ROBO1: variants seen among roughly 807,000 people sequenced by gnomAD.
The protein encoded by ROBO1 is roundabout guidance receptor 1.
ROBO1 carries 149 observed loss-of-function variants against 195.9 expected under a neutral mutation model. The ratio of observed to expected loss-of-function variants is 0.76; its 90% CI spans 0.67 to 0.87. ROBO1 has a LOEUF of 0.87. ROBO1 is among the 40% of genes least tolerant of loss of function. The probability of loss-of-function intolerance (pLI) is 0.00; values close to 1 mark genes in which losing one functional copy is unlikely to be tolerated. For missense variants in ROBO1, 1,933 were observed against 2,068.3 expected (o/e 0.93, Z 1.27); for synonymous variants, 816 against 733.2 (o/e 1.11, Z -1.82).
At chr3:79,638,510 C>A (rs1945562280) in intron 1 of ROBO1, among the ~76,000 whole-genome samples, 1 of 152,102 alleles carries the variant, frequency 6.6e-6, no homozygotes, top group Non-Finnish European at 1.5e-5. Flanking sequence ...GAATGCCTGA[C>A]CTCAGGTGAT....
At chr3:78,849,843 C>CAT (rs1559922058) in intron 4 of ROBO1, among the ~76,000 whole-genome samples, 1 of 150,504 alleles carries the variant, frequency 6.6e-6, no homozygotes, top group African/African-American at 2.5e-5. Flanking sequence ...CACACACACA[C>CAT]ACACACACAC....
intron 3 of ROBO1, among the ~76,000 whole-genome samples, chr3:78,971,750 G>T (rs12494082): frequency 0.18 from 26,694 of 144,964 alleles, 2,895 homozygotes; most frequent in Admixed American, 0.25. Context: ...TATTTTTTTT[G>T]TTGTTGTTGT....
intron 3 of ROBO1, chr3:79,018,289 A>T: frequency 8.9e-7 from 1 of 1,129,656 alleles, no homozygotes; most frequent in South Asian, 1.3e-5. Flanking sequence ...GCAGGAATCG[A>T]GCCCCTCCGG....
At chr3:79,405,144 T>G (rs1371620322) in intron 2 of ROBO1, among the ~76,000 whole-genome samples, 3 of 152,138 alleles carry the variant, frequency 2.0e-5, no homozygotes, top group Non-Finnish European at 2.9e-5. Flanking sequence ...ATTATGGGCA[T>G]GCAACACTAT....
intron 3 of ROBO1, among the ~76,000 whole-genome samples, chr3:78,998,371 C>T (rs1027218089): frequency 6.6e-6 from 1 of 152,124 alleles, no homozygotes; most frequent in Admixed American, 6.6e-5. Flanking sequence ...TGTCTACCTG[C>T]TTGCTCTCAA....
intron 8 of ROBO1, among the ~76,000 whole-genome samples, chr3:78,694,043 T>C (rs2081233889): frequency 6.6e-6 from 1 of 152,192 alleles, no homozygotes; most frequent in Non-Finnish European, 1.5e-5. Context: ...ATATTTTTAA[T>C]TGAGATGGTG....
intron 2 of ROBO1, among the ~76,000 whole-genome samples, chr3:79,494,662 G>A (rs1309671536): frequency 2.0e-5 from 3 of 151,906 alleles, no homozygotes; most frequent in African/African-American, 7.3e-5. Context: ...ACACAATAGA[G>A]GAGAATAGTA....
chr3:78,899,114 C>A (rs1431912130), intron 4 of ROBO1, among the ~76,000 whole-genome samples: 5 of 152,128 alleles, frequency 3.3e-5, no homozygotes, highest in Non-Finnish European at 5.9e-5. Context: ...CATTAACTGG[C>A]TCAATGTTAA....
chr3:78,859,727 C>T (rs955601506), intron 4 of ROBO1, among the ~76,000 whole-genome samples: 10 of 152,034 alleles, frequency 6.6e-5, no homozygotes, highest in Non-Finnish European at 8.8e-5. Context: ...GGCTGGGCCT[C>T]AGTATGTGAT....
intron 2 of ROBO1, among the ~76,000 whole-genome samples, chr3:79,307,557 G>A (rs1408673138): frequency 6.6e-6 from 1 of 151,910 alleles, no homozygotes; most frequent in Non-Finnish European, 1.5e-5. Context: ...AAATAAGCTT[G>A]TTACAATTAT....
At chr3:79,263,457 T>C (rs1191889709) in intron 2 of ROBO1, among the ~76,000 whole-genome samples, 2 of 152,002 alleles carry the variant, frequency 1.3e-5, no homozygotes, top group East Asian at 1.9e-4. Context: ...CAGACTAGTC[T>C]GGTCAACATA....
chr3:79,045,365 C>T (rs1336951665), intron 3 of ROBO1, among the ~76,000 whole-genome samples: 1 of 151,908 alleles, frequency 6.6e-6, no homozygotes, highest in Non-Finnish European at 1.5e-5. Flanking sequence ...AATAAAGAAG[C>T]TTAATGATTT....
chr3:79,019,864 A>C (rs2078062389), intron 3 of ROBO1, among the ~76,000 whole-genome samples: 1 of 152,202 alleles, frequency 6.6e-6, no homozygotes. Flanking sequence ...CCATTTAAAA[A>C]AAAAAAATCA....
At chr3:79,410,706 G>A (rs2037733152) in intron 2 of ROBO1, among the ~76,000 whole-genome samples, 1 of 151,706 alleles carries the variant, frequency 6.6e-6, no homozygotes, top group South Asian at 2.1e-4. Context: ...GGGAAAGAAA[G>A]GAAAGAAGAA....
At chr3:79,623,222 A>C (rs774217267) in intron 1 of ROBO1, among the ~76,000 whole-genome samples, 2 of 152,202 alleles carry the variant, frequency 1.3e-5, no homozygotes, top group Non-Finnish European at 2.9e-5. Flanking sequence ...AAACTAGACA[A>C]ACTCACAAGG....
intron 4 of ROBO1, among the ~76,000 whole-genome samples, chr3:78,816,374 T>C (rs896870327): frequency 6.8e-6 from 1 of 146,654 alleles, no homozygotes; most frequent in African/African-American, 2.5e-5. Flanking sequence ...CTGAGAACTC[T>C]GATGGAGAAG....
rs567843950 is a variant in ROBO1, at chr3:79,246,753, A to G, written c.89-121214T>C. Among the ~76,000 whole-genome samples the G allele has an allele frequency of 8.5e-5, 13 of 152,196 alleles. No individual in the cohort carries two copies. In the East Asian group the frequency reaches 2.5e-3, roughly 29 times the overall value. On this transcript the variant is annotated intron_variant, in intron 2 of 30. Coordinates refer to ENST00000464233, the MANE Select transcript of ROBO1 (RefSeq NM_002941.4). ...ACTAGAACCTGTGGAGTTATCTGAT[A>G]TATAACTAGAACCCATAGACTGATC...
intron 3 of ROBO1, among the ~76,000 whole-genome samples, chr3:78,989,544 G>A (rs2077188038): frequency 6.6e-6 from 1 of 152,170 alleles, no homozygotes; most frequent in South Asian, 2.1e-4. Flanking sequence ...AGCCCAGGAG[G>A]TAGAGGTTGC....
At chr3:79,210,670 T>A (rs2081952709) in intron 2 of ROBO1, among the ~76,000 whole-genome samples, 1 of 152,174 alleles carries the variant, frequency 6.6e-6, no homozygotes, top group African/African-American at 2.4e-5. Flanking sequence ...GGACACCTTC[T>A]GATTGATCTT....
Sources: allele counts gnomAD v4.1 joint callset (sites outside exome capture counted in the v4.1 genomes callset), GRCh38; gene constraint gnomAD v4.1.1; transcripts MANE v1.5; gene names NCBI Gene and HGNC (gene_info 2026-07-23, HGNC 2026-07-21).